Variants in RAPGEF2 observed in about 807,000 individuals in gnomAD.
The protein encoded by RAPGEF2 is PDZ domain containing guanine nucleotide exchange factor (GEF) 1.
Under a neutral mutation model 186.7 loss-of-function variants are expected in RAPGEF2, and 54 were observed. That is an observed-to-expected ratio of 0.29 (90% CI 0.23 to 0.36). RAPGEF2 has a LOEUF of 0.36. Ranked by LOEUF, RAPGEF2 falls within the 10% of genes least tolerant of loss-of-function variation. The pLI is 1.00. For missense variants in RAPGEF2, 1,532 were observed against 2,045.0 expected (o/e 0.75, Z 4.84); for synonymous variants, 712 against 705.9 (o/e 1.01, Z -0.14).
Position 159,103,866 on chromosome 4 carries a change from GGAA to G in RAPGEF2, c.-294_-292del, listed in dbSNP as rs1279536280. The G allele has an allele frequency of 1.4e-5, 2 of 147,242 alleles. No individual in the cohort carries two copies. The highest frequency in any genetic ancestry group is 5.1e-5 in the African/African-American group (2 of 39,200). 9.1% of individuals were successfully genotyped at this position (147,242 alleles called of 1,614,324 possible). Reference sequence around the variant, plus strand: ...CCGGAGGAAGCCGGCGGAGCGGCGAGGAAGAGGAGGAGGAGGAGGAAGGGGAGT... The same window carrying G: ...CCGGAGGAAGCCGGCGGAGCGGCGAGGAGGAGGAGGAGGAGGAAGGGGAGT... On this transcript the variant is annotated 5_prime_UTR_variant, in exon 1 of 30. Coordinates refer to ENST00000691494, the MANE Select transcript of RAPGEF2 (RefSeq NM_001394067.2).
At position 159,323,593 on chromosome 4, in the gene RAPGEF2, G is replaced by A; in HGVS notation, c.1125G>A (p.Met375Ile). 4 of 1,585,426 alleles carry A rather than the reference G, an allele frequency of 2.5e-6. No homozygotes were observed. The highest frequency in any genetic ancestry group is 3.4e-6 in the Non-Finnish European group (4 of 1,165,272). The change falls in exon 11 of 30, where the codon ATG becomes ATA. Residue 375 changes from methionine (M) to isoleucine (I), a missense_variant. By Grantham distance (10) the Met-to-Ile change is conservative (BLOSUM62 1). Around this residue, in one of 4 missense-constraint regions of RAPGEF2, gnomAD observed 810 missense variants for 1,210.5 expected, o/e 0.67. Coordinates refer to ENST00000691494, the MANE Select transcript of RAPGEF2 (RefSeq NM_001394067.2). ...ACAAAGAATACATGAAAGGAGTGAT[G>A]AGAACAAAGGTGGATGACTGCCAGG... Reference protein sequence around the residue: ...TMDKEYMKGVMRTKVDDCQFV... With the variant: ...TMDKEYMKGVIRTKVDDCQFV...
intron 1 of RAPGEF2, among the ~76,000 whole-genome samples, chr4:159,107,065 G>A (rs1392198298): frequency 2.0e-5 from 3 of 152,192 alleles, no homozygotes; most frequent in African/African-American, 7.2e-5. Flanking sequence ...ATTGTGAGAG[G>A]AGGAGGAAAA....
At position 159,302,177 on chromosome 4, in the gene RAPGEF2, C is replaced by T. The variant is rs139949102; in HGVS notation, c.544-2165C>T. The stretch of plus-strand genomic sequence containing the variant: ...GTATCTAAAAGCTGGATGAATGTCT[C>T]TTATGTTAGGCTTGGAGCTCTTACA... On this transcript the variant is annotated intron_variant, in intron 7 of 29. Transcript: ENST00000691494. 8.3e-3 allele frequency among the ~76,000 whole-genome samples: 1,260 copies of T among 152,250 alleles called. 15 individuals are homozygous for T. The highest frequency in any genetic ancestry group is 0.028 in the African/African-American group (1,177 of 41,532).
chr4:159,313,103 G>A (rs140655119), intron 8 of RAPGEF2, among the ~76,000 whole-genome samples: 2,921 of 152,148 alleles, frequency 0.019, 115 homozygotes, highest in African/African-American at 0.067. Flanking sequence ...AGCCGAGATC[G>A]TGCCATTGCA....
At chr4:159,313,663 TATAAG>T (rs1437326573) in intron 8 of RAPGEF2, among the ~76,000 whole-genome samples, 2 of 152,136 alleles carry the variant, frequency 1.3e-5, no homozygotes, top group Non-Finnish European at 2.9e-5. Context: ...TTAATAATTG[TATAAG>T]ATGTTTTCAA....
chr4:159,194,224 A>G (rs1336486950), intron 3 of RAPGEF2, among the ~76,000 whole-genome samples: 1 of 152,170 alleles, frequency 6.6e-6, no homozygotes, highest in East Asian at 1.9e-4. Flanking sequence ...TTTGAACATC[A>G]TAGCAAGTTT....
chr4:159,323,720 A>ATT (rs33969988), intron 11 of RAPGEF2, 103 bp downstream of exon 11: 11,726 of 481,650 alleles, frequency 0.024, no homozygotes, highest in Non-Finnish European at 0.029. Context: ...CTTACAAATA[A>ATT]TTTTTTTTTT....
At position 159,345,154 on chromosome 4, in the gene RAPGEF2, G is replaced by T; in HGVS notation, c.3327G>T (p.Gln1109His). The T allele has an allele frequency of 6.2e-7, 1 of 1,614,164 alleles. No homozygotes were observed. Among genetic ancestry groups the T allele is most frequent in the Non-Finnish European group, 8.5e-7 (1 of 1,180,000 alleles). Residue 1109 changes from glutamine (Q) to histidine (H), a missense_variant, in exon 24 of 30, where the codon CAG becomes CAT. Coordinates refer to ENST00000691494, the MANE Select transcript of RAPGEF2 (RefSeq NM_001394067.2). Reference sequence around the variant, plus strand: ...ATGCAACAGTGCTAGATGTTGCTCAGACAGGTGGTCATAAAAAGCGGGTAC... The same window carrying T: ...ATGCAACAGTGCTAGATGTTGCTCATACAGGTGGTCATAAAAAGCGGGTAC... ...STNATVLDVA[Q>H]TGGHKKRVRR...
Position 159,153,684 on chromosome 4 carries a change from CCTT to C in RAPGEF2, c.70-32954_70-32952del, listed in dbSNP as rs1372048293. Among the ~76,000 whole-genome samples, 7 of 152,228 alleles carry C rather than the reference CCTT, an allele frequency of 4.6e-5. No homozygotes were observed. The South Asian group carries it at 1.0e-3, about 23-fold the overall frequency. ...ATTTTCCCAGGTATATGTAGTGTCT[CCTT>C]CTTGCTTCCTCCAGTTGCCCCCCAA... is the stretch of plus-strand genomic sequence containing the variant. On this transcript the variant is annotated intron_variant, in intron 1 of 29. Coordinates refer to ENST00000691494, the MANE Select transcript of RAPGEF2 (RefSeq NM_001394067.2).
chr4:159,133,646 T>C (rs1314407057), intron 1 of RAPGEF2, among the ~76,000 whole-genome samples: 2 of 151,102 alleles, frequency 1.3e-5, no homozygotes, highest in Non-Finnish European at 3.0e-5. Flanking sequence ...TGCAGTGGCA[T>C]GATCTCGGCT....
intron 4 of RAPGEF2, among the ~76,000 whole-genome samples, chr4:159,238,282 TAA>T (rs1384560686): frequency 6.6e-6 from 1 of 152,196 alleles, no homozygotes; most frequent in African/African-American, 2.4e-5. Context: ...ACCATAGAAA[TAA>T]AGTCTTAAGT....
At chr4:159,250,932 C>CAGGTGGG (rs1471516746) in intron 7 of RAPGEF2, among the ~76,000 whole-genome samples, 2 of 152,192 alleles carry the variant, frequency 1.3e-5, no homozygotes, top group African/African-American at 4.8e-5. Context: ...GGGAGATGCG[C>CAGGTGGG]AGGTGGGAAC....
intron 1 of RAPGEF2, among the ~76,000 whole-genome samples, chr4:159,184,603 T>C (rs1326647843): frequency 6.6e-6 from 1 of 152,250 alleles, no homozygotes; most frequent in African/African-American, 2.4e-5. Flanking sequence ...ATTTTTTTCT[T>C]GTAAATTTGT....
At position 159,211,276 on chromosome 4, in the gene RAPGEF2, T is replaced by G. The variant is rs138792338; in HGVS notation, c.281+693T>G. ...CCAACCAGCTGTGGCCAGAAAGGGT[T>G]AGGGCTCATCTGTTACATACATGAT... On this transcript the variant is annotated intron_variant, in intron 4 of 29. Transcript: ENST00000691494. Among the ~76,000 whole-genome samples, 1,505 of 152,296 alleles carry G rather than the reference T, an allele frequency of 9.9e-3. 22 individuals carry two copies. The highest frequency in any genetic ancestry group is 0.034 in the African/African-American group (1,427 of 41,558).
intron 7 of RAPGEF2, among the ~76,000 whole-genome samples, chr4:159,300,648 GA>G (rs144847194): frequency 0.19 from 29,146 of 151,898 alleles, 2,946 homozygotes; most frequent in Admixed American, 0.25. Context: ...TTTTTGAACA[GA>G]ATTTCTGTTA....
At chr4:159,199,959 A>G (rs1373653915) in intron 3 of RAPGEF2, among the ~76,000 whole-genome samples, 2 of 152,246 alleles carry the variant, frequency 1.3e-5, no homozygotes, top group Non-Finnish European at 2.9e-5. Context: ...TCAAAATTTC[A>G]GATTCTTTTA....
intron 7 of RAPGEF2, among the ~76,000 whole-genome samples, chr4:159,302,071 A>G (rs1405560343): frequency 6.6e-6 from 1 of 152,164 alleles, no homozygotes; most frequent in Non-Finnish European, 1.5e-5. Context: ...TTCTCTTTTG[A>G]CAGTCTTTAT....
At chr4:159,108,968 T>C (rs1395019398) in intron 1 of RAPGEF2, among the ~76,000 whole-genome samples, 1 of 152,064 alleles carries the variant, frequency 6.6e-6, no homozygotes, top group Admixed American at 6.6e-5. Flanking sequence ...ATCCTCCTGC[T>C]TCAGCCTCCC....
chr4:159,161,843 G>T (rs114337122), intron 1 of RAPGEF2, among the ~76,000 whole-genome samples: 2,163 of 152,304 alleles, frequency 0.014, 58 homozygotes, highest in African/African-American at 0.05. Flanking sequence ...ATAAACCAAG[G>T]ATGGTGATAC....
Sources: allele counts gnomAD v4.1 joint callset (sites outside exome capture counted in the v4.1 genomes callset), GRCh38; gene constraint gnomAD v4.1.1; regional missense constraint gnomAD v4.1.1; transcripts MANE v1.5; gene names NCBI Gene and HGNC (gene_info 2026-07-23, HGNC 2026-07-21).